EXD3: variants seen among roughly 807,000 people sequenced by gnomAD.
EXD3 encodes exonuclease 3'-5' domain containing 3.
A neutral mutation model predicts 98.0 loss-of-function variants in EXD3; 92 were observed. The ratio of observed to expected loss-of-function variants is 0.94; its 90% CI spans 0.79 to 1.12. The LOEUF (loss-of-function observed/expected upper bound fraction) is 1.12. EXD3 is among the 50% of genes most tolerant of loss of function. EXD3 has a pLI of 0.00. For missense variants in EXD3, 1,222 were observed against 1,191.6 expected (o/e 1.03, Z -0.38); for synonymous variants, 569 against 526.0 (o/e 1.08, Z -1.12).
At chr9:137,315,670 G>A (rs995444492) in intron 19 of EXD3, among the ~76,000 whole-genome samples, 2 of 152,118 alleles carry the variant, frequency 1.3e-5, no homozygotes, top group Admixed American at 1.3e-4. Flanking sequence ...CAGATAAAGT[G>A]CAGGATACTT....
At chr9:137,420,846 G>A (rs766846360) in intron 1 of EXD3, among the ~76,000 whole-genome samples, 6 of 151,486 alleles carry the variant, frequency 4.0e-5, no homozygotes, top group Non-Finnish European at 7.4e-5. Flanking sequence ...ACAGGGTCTC[G>A]CTCTGTCACC....
At position 137,351,432 on chromosome 9, in the gene EXD3, G is replaced by C. The variant is rs765162423; in HGVS notation, c.1270C>G (p.His424Asp). 8 of 1,605,888 alleles carry C rather than the reference G, an allele frequency of 5.0e-6. 1 individual carries two copies. The South Asian group carries it at 8.9e-5, about 18-fold the overall frequency. The change falls in exon 13 of 22, where the codon CAC becomes GAC. Residue 424 changes from histidine to aspartate, a missense_variant. His to Asp is a moderately conservative substitution (Grantham distance 81). Transcript: ENST00000340951. Reference protein sequence around the residue: ...PSLLQVAVEGHVFLLDVLALS... With the variant: ...PSLLQVAVEGDVFLLDVLALS... ...GCCAGGACGTCCAGAAGGAACACGT[G>C]GCCCTCCACGGCCACCTGCAGGAGT...
At position 137,399,733 on chromosome 9, in the gene EXD3, T is replaced by C. The variant is rs562494282; in HGVS notation, c.-47-4329A>G. 5.9e-5 allele frequency among the ~76,000 whole-genome samples: 9 copies of C among 152,266 alleles called. No homozygotes were observed. The South Asian group carries it at 1.9e-3, about 32-fold the overall frequency. On this transcript the variant is annotated intron_variant, in intron 1 of 21. Coordinates refer to ENST00000340951, the MANE Select transcript of EXD3 (RefSeq NM_017820.5). ...TGGGAGGCGAAAGGCGCTTCTTACA[T>C]GGTGGTGGCAAGAGAAAATGAGAGC...
rs1377857663 is a variant in EXD3 at position 137,407,563 on chromosome 9, G to A, written c.-47-12159C>T. On this transcript the variant is annotated intron_variant, in intron 1 of 21. Transcript: ENST00000340951. This position sits in a 1 kb window ranked among gnomAD's most constrained non-coding sequence, Gnocchi z 4.4. ...CTCCCGGGATCCCTTGGCTAAGGGA[G>A]GGTGACTGGTGGCCCGCAGGCCCTT... is the stretch of plus-strand genomic sequence containing the variant. Among the ~76,000 whole-genome samples the A allele has an allele frequency of 1.3e-5, 2 of 152,274 alleles. No individual in the cohort carries two copies. The highest frequency in any genetic ancestry group is 3.9e-4 in the East Asian group (2 of 5,164).
At chr9:137,392,740 C>T (rs999466523) in intron 2 of EXD3, 1 of 342,216 alleles carries the variant, frequency 2.9e-6, no homozygotes, top group African/African-American at 2.5e-5. Context: ...CCAGGCTGTT[C>T]CAGGGGGCAC....
At chr9:137,383,132 G>A (rs181250102) in intron 3 of EXD3, among the ~76,000 whole-genome samples, 181 bp downstream of exon 3, 45 of 152,302 alleles carry the variant, frequency 3.0e-4, no homozygotes, top group African/African-American at 1.0e-3. Flanking sequence ...GAGGAGGACC[G>A]CCCCCTGCCC....
intron 7 of EXD3, among the ~76,000 whole-genome samples, chr9:137,363,481 GTGCCTGCCACCA>G (rs1835085752): frequency 6.6e-6 from 1 of 151,566 alleles, no homozygotes. Context: ...GGGATTACAG[GTGCCTGCCACCA>G]TGCCTGGCTA....
chr9:137,354,630 G>T, intron 9 of EXD3, 70 bp downstream of exon 9: 1 of 1,596,746 alleles, frequency 6.3e-7, no homozygotes, highest in East Asian at 2.2e-5. Context: ...TGCGCAGTGA[G>T]TATCCCAGGC....
rs368208485 is a variant in EXD3 at position 137,323,853 on chromosome 9, G to C, written c.2056C>G (p.Arg686Gly). The change falls in exon 19 of 22, where the codon CGG becomes GGG. Residue 686 changes from arginine (R) to glycine (G), a missense_variant. Transcript: ENST00000340951. ...LTSGQPFHKL[R>G]AQVGAGRCLS... is the part of the protein sequence containing the mutation. ...CAGCGCCCAGCCCCGACCTGGGCCCGGAGCTGCAAAGACACGGCTCGGCTA... is the reference window on the plus strand; with the variant it reads ...CAGCGCCCAGCCCCGACCTGGGCCCCGAGCTGCAAAGACACGGCTCGGCTA... 1.2e-6 allele frequency: 2 copies of C among 1,610,026 alleles called. No homozygotes were observed. The highest frequency in any genetic ancestry group is 2.7e-5 in the African/African-American group (2 of 74,886).
intron 2 of EXD3, among the ~76,000 whole-genome samples, chr9:137,386,607 C>T (rs913828360): frequency 6.6e-6 from 1 of 152,134 alleles, no homozygotes; most frequent in African/African-American, 2.4e-5. Flanking sequence ...GGCCAGGCCA[C>T]TTTATGGACT....
chr9:137,356,362 G>A lies in EXD3; in HGVS notation c.663C>T (p.Tyr221=), dbSNP rs1409654676. Residue 221 remains tyrosine, a synonymous_variant, in exon 8 of 22, where the codon TAC becomes TAT. Coordinates refer to ENST00000340951, the MANE Select transcript of EXD3 (RefSeq NM_017820.5). ...GFDIKDVARR[Y]PEVTSLSLEK... Reference sequence around the variant, plus strand: ...CCAGGCTCAAGGAGGTCACCTCAGGGTACCGTCTGTGGGGAGAGAGAGGCA... The same window carrying A: ...CCAGGCTCAAGGAGGTCACCTCAGGATACCGTCTGTGGGGAGAGAGAGGCA... The A allele has an allele frequency of 6.3e-7, 1 of 1,595,978 alleles. No homozygotes were observed.
Position 137,324,754 on chromosome 9 carries a change from G to C in EXD3, c.1999-611C>G, listed in dbSNP as rs1036190247. ...TTCGCCCAGGCCGGAGTGCAGTGGC[G>C]CTGTCTTGGCTCACTGCAAGCTCCG... On this transcript the variant is annotated intron_variant, in intron 17 of 21. Transcript: ENST00000340951. This position sits in a 1 kb window ranked among gnomAD's most constrained non-coding sequence, Gnocchi z 4.1. Among the ~76,000 whole-genome samples, 1 of 152,084 alleles carries C rather than the reference G, an allele frequency of 6.6e-6. No homozygotes were observed.
At chr9:137,400,643 T>A (rs540651895) in intron 1 of EXD3, among the ~76,000 whole-genome samples, 1 of 152,148 alleles carries the variant, frequency 6.6e-6, no homozygotes, top group African/African-American at 2.4e-5. Flanking sequence ...CACCCACCTA[T>A]AGTCCCAGCT....
At chr9:137,315,923 G>A (rs1831624619) in intron 19 of EXD3, among the ~76,000 whole-genome samples, 1 of 151,008 alleles carries the variant, frequency 6.6e-6, no homozygotes, top group South Asian at 2.1e-4. Context: ...GCTCCGGGGC[G>A]CCCCCACACC....
intron 21 of EXD3, 103 bp downstream of exon 21, chr9:137,307,505 C>G: frequency 2.7e-6 from 4 of 1,454,920 alleles, no homozygotes; most frequent in Admixed American, 2.1e-5. Context: ...CCCACAGAGC[C>G]CCCTCTGCCC....
At chr9:137,380,012 G>A (rs1011052029) in intron 3 of EXD3, among the ~76,000 whole-genome samples, 1 of 151,856 alleles carries the variant, frequency 6.6e-6, no homozygotes, top group Non-Finnish European at 1.5e-5. Context: ...TGTTCCGGGA[G>A]ACTTCAGTCC....
chr9:137,409,667 T>C (rs1260514766), intron 1 of EXD3, among the ~76,000 whole-genome samples: 1 of 152,198 alleles, frequency 6.6e-6, no homozygotes, highest in African/African-American at 2.4e-5. Context: ...CTGATGTGAC[T>C]GAGAATGGAA....
Position 137,349,423 on chromosome 9 carries a change from G to T in EXD3, c.1603C>A (p.Gln535Lys). ...GGCCTCCGGTCCCAGTTGGACAGCT[G>T]CTGCGTCTTGTCCAGGGCTGTGCCC... Reference protein sequence around the residue: ...VLGTALDKTQQLSNWDRRPLC... With the variant: ...VLGTALDKTQKLSNWDRRPLC... The change falls in exon 15 of 22, where the codon CAG becomes AAG. Residue 535 changes from glutamine (Q) to lysine (K), a missense_variant. Transcript: ENST00000340951. This position sits in a 1 kb window ranked among gnomAD's most constrained non-coding sequence, Gnocchi z 7.4. 1 of 1,599,932 alleles carries T rather than the reference G, an allele frequency of 6.3e-7. No individual in the cohort carries two copies.
At position 137,352,781 on chromosome 9, in the gene EXD3, C is replaced by T; in HGVS notation, c.876G>A (p.Leu292=). The change falls in exon 11 of 22, where the codon CTG becomes CTA. Residue 292 remains leucine (L), a synonymous_variant. Coordinates refer to ENST00000340951, the MANE Select transcript of EXD3 (RefSeq NM_017820.5). ...QENWTDHVQG[L]VGQSPWLQEQ... ...CCTGAAGCCACGGGCTCTGCCCCACCAGGCCCTGTGAGGAGGGTGGCCGTG... is the reference window on the plus strand; with the variant it reads ...CCTGAAGCCACGGGCTCTGCCCCACTAGGCCCTGTGAGGAGGGTGGCCGTG... The T allele has an allele frequency of 6.3e-7, 1 of 1,581,478 alleles. No homozygotes were observed. The highest frequency in any genetic ancestry group is 8.6e-7 in the Non-Finnish European group (1 of 1,165,880).
Sources: allele counts gnomAD v4.1 joint callset (sites outside exome capture counted in the v4.1 genomes callset), GRCh38; gene constraint gnomAD v4.1.1; non-coding constraint Gnocchi (gnomAD v3.1); transcripts MANE v1.5; gene names NCBI Gene and HGNC (gene_info 2026-07-23, HGNC 2026-07-21).